Variants in AAAS observed in about 807,000 individuals in gnomAD.
AAAS encodes the protein aladin WD repeat nucleoporin.
A neutral mutation model predicts 75.6 loss-of-function variants in AAAS; 60 were observed. The ratio of observed to expected loss-of-function variants is 0.79; its 90% CI spans 0.64 to 0.98. The LOEUF is 0.98. Ranked by LOEUF, AAAS falls within the 50% of genes least tolerant of loss-of-function variation. The pLI, the probability that AAAS is intolerant of heterozygous loss-of-function variation, is 0.00. For missense variants in AAAS, 658 were observed against 686.9 expected, an observed-to-expected ratio of 0.96 and a Z score of 0.47; for synonymous variants, 271 against 265.0, an observed-to-expected ratio of 1.02 and a Z score of -0.22.
At position 53,308,056 on chromosome 12, in the gene AAAS, G is replaced by C. The variant is rs545009269; in HGVS notation, c.1327C>G (p.Pro443Ala). The C allele has an allele frequency of 6.2e-7, 1 of 1,614,264 alleles. No homozygotes were observed. Among genetic ancestry groups the C allele is most frequent in the East Asian group, 2.2e-5 (1 of 44,890 alleles). Residue 443 changes from proline to alanine, a missense_variant, in exon 14 of 16, where the codon CCC becomes GCC. Coordinates refer to ENST00000209873, the MANE Select transcript of AAAS (RefSeq NM_015665.6). Reference protein sequence around the residue: ...TRNSPVFELLPCGIIQGEPGA... With the variant: ...TRNSPVFELLACGIIQGEPGA... Reference sequence around the variant, plus strand: ...AAGGGCCCACATGGCACTTACCAGGGAAGGAGCTCAAACACAGGGCTGTTT... The same window carrying C: ...AAGGGCCCACATGGCACTTACCAGGCAAGGAGCTCAAACACAGGGCTGTTT...
At position 53,315,427 on chromosome 12, in the gene AAAS, C is replaced by G; in HGVS notation, c.308-1G>C. 1.9e-6 allele frequency: 3 copies of G among 1,612,104 alleles called. No homozygotes were observed. Among genetic ancestry groups the G allele is most frequent in the Non-Finnish European group, 2.5e-6 (3 of 1,179,298 alleles). ...GATGCCGTCTTCACCCACTCAAACACTGTAGGGTTGAGGAAGCAGCTCTGA... is the reference window on the plus strand; with the variant it reads ...GATGCCGTCTTCACCCACTCAAACAGTGTAGGGTTGAGGAAGCAGCTCTGA... On this transcript the variant is annotated splice_acceptor_variant, in intron 3 of 15. Transcript: ENST00000209873. LOFTEE classifies it high-confidence loss of function.
chr12:53,319,814 A>G (rs113979637), intron 2 of AAAS, among the ~76,000 whole-genome samples: 8 of 133,322 alleles, frequency 6.0e-5, no homozygotes, highest in Admixed American at 1.6e-4. Flanking sequence ...AAAAAAAAAA[A>G]AAAAAAAAAA....
At position 53,320,357 on chromosome 12, in the gene AAAS, T is replaced by C. The variant is rs1944534009; in HGVS notation, c.251+208A>G. On this transcript the variant is annotated intron_variant, in intron 2 of 15. Transcript: ENST00000209873. ...GGAAGTACTTTTTCCATAGTGTTCC[T>C]GGGAAGGGCAAGGAAGGGAACCTGA... Among the ~76,000 whole-genome samples the C allele has an allele frequency of 2.0e-5, 3 of 152,282 alleles. No homozygotes were observed. The South Asian group carries it at 6.2e-4, about 32-fold the overall frequency.
Position 53,314,283 on chromosome 12 carries a change from G to C in AAAS, c.689+15C>G. 2 of 1,614,172 alleles carry C rather than the reference G, an allele frequency of 1.2e-6. No homozygotes were observed. The highest frequency in any genetic ancestry group is 1.7e-6 in the Non-Finnish European group (2 of 1,180,026). Reference sequence around the variant, plus strand: ...CAACTCTCAGGCCAAGGTAAGGCAGGCTACTAGGACTTACCGGGTAGACAA... The same window carrying C: ...CAACTCTCAGGCCAAGGTAAGGCAGCCTACTAGGACTTACCGGGTAGACAA... On this transcript the variant is annotated intron_variant, in intron 7 of 15. Transcript: ENST00000209873.
chr12:53,307,853 GC>G lies in AAAS; in HGVS notation c.1407del (p.Leu470SerfsTer81). 1 of 1,614,236 alleles carries G rather than the reference GC, an allele frequency of 6.2e-7. No individual in the cohort carries two copies. The highest frequency in any genetic ancestry group is 8.5e-7 in the Non-Finnish European group (1 of 1,180,038). On this transcript the variant is annotated frameshift_variant, in exon 15 of 16. Coordinates refer to ENST00000209873, the MANE Select transcript of AAAS (RefSeq NM_015665.6). LOFTEE classifies it high-confidence loss of function. Reference protein sequence around the residue: ...TFHPSFNKGALLSVGWSTGRI... With the variant: ...TFHPSFNKGAXLSVGWSTGRI... ...CAGCCTGGCGCACTCACCACACTGA[GC>G]AGGGCCCCTTTGTTGAAGGAAGGAT...
At chr12:53,320,073 A>G (rs1157722005) in intron 2 of AAAS, among the ~76,000 whole-genome samples, 1 of 151,676 alleles carries the variant, frequency 6.6e-6, no homozygotes, top group Non-Finnish European at 1.5e-5. Flanking sequence ...TGAGCTGAGC[A>G]CGCCACTGCA....
Position 53,321,365 on chromosome 12 carries a change from G to A in AAAS, c.101C>T (p.Pro34Leu), listed in dbSNP as rs1944552877. Residue 34 changes from proline to leucine, a missense_variant, in exon 1 of 16, where the codon CCG becomes CTG. Physicochemically the swap from Pro to Leu is moderately conservative, Grantham distance 98. Coordinates refer to ENST00000209873, the MANE Select transcript of AAAS (RefSeq NM_015665.6). Reference protein sequence around the residue: ...ELVTGSSYESPPPDFRGQWIN... With the variant: ...ELVTGSSYESLPPDFRGQWIN... Reference sequence around the variant, plus strand: ...CACCTGGCCCCGGAAGTCGGGGGGCGGGCTCTCATAGCTACTGCCCGTCAC... The same window carrying A: ...CACCTGGCCCCGGAAGTCGGGGGGCAGGCTCTCATAGCTACTGCCCGTCAC... 9 of 1,613,912 alleles carry A rather than the reference G, an allele frequency of 5.6e-6. No homozygotes were observed. The highest frequency in any genetic ancestry group is 1.1e-5 in the South Asian group (1 of 91,088).
chr12:53,309,295 G>A lies in AAAS; in HGVS notation c.811-14C>T. ...GACATCCCATACCTAGGAGAGTGGG[G>A]CAGGAGATAAGGGAAAACTCAAGCA... On this transcript the variant is annotated splice_polypyrimidine_tract_variant and intron_variant, in intron 8 of 15. Transcript: ENST00000209873. 1 of 1,613,422 alleles carries A rather than the reference G, an allele frequency of 6.2e-7. No individual in the cohort carries two copies.
At position 53,321,521 on chromosome 12, in the gene AAAS, A is replaced by C; in HGVS notation, c.-56T>G. The C allele has an allele frequency of 1.2e-6, 2 of 1,611,372 alleles. No homozygotes were observed. On this transcript the variant is annotated 5_prime_UTR_variant, in exon 1 of 16. Coordinates refer to ENST00000209873, the MANE Select transcript of AAAS (RefSeq NM_015665.6). The stretch of plus-strand genomic sequence containing the variant: ...CAAACTCCTGGCCGGAACGGCACAG[A>C]CCGCACTCCCGCAACTCGGTTCCCG...
Position 53,308,782 on chromosome 12 carries a change from G to A in AAAS, c.1030C>T (p.Leu344=), listed in dbSNP as rs980119995. The A allele has an allele frequency of 1.9e-6, 3 of 1,614,114 alleles. No individual in the cohort carries two copies. ...AGTGGCTCTCCCAATACAGTGAACA[G>A]CAGTCGGCTGCCATCTGGGCTCCAG... ...GCWSPDGSRL[L]FTVLGEPLIY... Residue 344 remains leucine, a synonymous_variant, in exon 11 of 16, where the codon CTG becomes TTG. Transcript: ENST00000209873.
chr12:53,313,736 G>C lies in AAAS; in HGVS notation c.689+562C>G, dbSNP rs1352297940. 7.9e-5 allele frequency among the ~76,000 whole-genome samples: 12 copies of C among 151,584 alleles called. No homozygotes were observed. The South Asian group carries it at 1.3e-3, about 16-fold the overall frequency. On this transcript the variant is annotated intron_variant, in intron 7 of 15. Transcript: ENST00000209873. ...CGATTCTCCTGCCTCAGCTTCCCGAGTAGCTGGGACTACAGGTGTGTACCA... is the reference window on the plus strand; with the variant it reads ...CGATTCTCCTGCCTCAGCTTCCCGACTAGCTGGGACTACAGGTGTGTACCA...
intron 7 of AAAS, among the ~76,000 whole-genome samples, chr12:53,313,542 C>G (rs1460806611): frequency 6.6e-6 from 1 of 151,926 alleles, no homozygotes; most frequent in Non-Finnish European, 1.5e-5. Context: ...CTCAGGTGAT[C>G]CTCACGCCTT....
At chr12:53,321,283 C>G in intron 1 of AAAS, 60 bp downstream of exon 1, 1 of 1,594,730 alleles carries the variant, frequency 6.3e-7, no homozygotes, top group Non-Finnish European at 8.5e-7. Context: ...CCTCCTTTCC[C>G]CAGTAGTCCC....
Position 53,307,619 on chromosome 12 carries a change from G to A in AAAS, c.1511C>T (p.Pro504Leu). 6.2e-7 allele frequency: 1 copy of A among 1,614,226 alleles called. No homozygotes were observed. Among genetic ancestry groups the A allele is most frequent in the Non-Finnish European group, 8.5e-7 (1 of 1,180,034 alleles). The change falls in exon 16 of 16, where the codon CCC becomes CTC. Residue 504 changes from proline to leucine, a missense_variant. Physicochemically the swap from Pro to Leu is moderately conservative, Grantham distance 98 (BLOSUM62 -3). Transcript: ENST00000209873. Reference sequence around the variant, plus strand: ...AATAGAGCCTCCACCCCCAGCAGGGGGTTCCTGGGCCCGCCCAAGCACTGG... The same window carrying A: ...AATAGAGCCTCCACCCCCAGCAGGGAGTTCCTGGGCCCGCCCAAGCACTGG... ...FSPVLGRAQE[P>L]PAGGGGSIHD...
In AAAS at chr12:53,316,764, CAAAAAAAA is replaced by C. The variant is rs34520642; in HGVS notation, c.252-990_252-983del. ...CAACAGAGCAAGACTCCATCTCAGA[CAAAAAAAA>C]AAAAAAAAAAAAAGAAGAGAAAAAA... On this transcript the variant is annotated intron_variant, in intron 2 of 15. Transcript: ENST00000209873. 1.6e-4 allele frequency among the ~76,000 whole-genome samples: 12 copies of C among 77,202 alleles called. No homozygotes were observed. The South Asian group carries it at 1.9e-3, about 12-fold the overall frequency. 50.6% of individuals were successfully genotyped at this position (77,202 alleles called of 152,430 possible). A position where few individuals can be genotyped will look rare whatever the true frequency, so the allele number is the denominator to read the frequency against.
At chr12:53,317,994 T>C (rs1222776054) in intron 2 of AAAS, among the ~76,000 whole-genome samples, 2 of 152,212 alleles carry the variant, frequency 1.3e-5, no homozygotes, top group African/African-American at 2.4e-5. Context: ...CAAGCCATTA[T>C]GACAATCCTA....
intron 7 of AAAS, 153 bp from the exon 8 acceptor site, chr12:53,309,874 TAAAAG>T (rs1390643243): frequency 1.2e-5 from 14 of 1,212,602 alleles, no homozygotes; most frequent in East Asian, 2.7e-5. Context: ...TTGTGAAAGT[TAAAAG>T]AAAAAAACAG....
At chr12:53,320,237 G>A (rs984601344) in intron 2 of AAAS, among the ~76,000 whole-genome samples, 1 of 152,182 alleles carries the variant, frequency 6.6e-6, no homozygotes, top group Admixed American at 6.6e-5. Context: ...TGAGCTTCAG[G>A]TAAAAGCTCA....
At chr12:53,313,310 C>T (rs1161395283) in intron 7 of AAAS, among the ~76,000 whole-genome samples, 5 of 150,856 alleles carry the variant, frequency 3.3e-5, no homozygotes, top group African/African-American at 7.3e-5. Flanking sequence ...ATCACAGGCA[C>T]GCACCACCAC....
Sources: gnomAD v4.1 joint callset for allele counts (sites outside exome capture counted in the v4.1 genomes callset) on GRCh38, gnomAD v4.1.1 for gene constraint, MANE v1.5 for transcripts, NCBI Gene and HGNC (gene_info 2026-07-23, HGNC 2026-07-21) for gene names.